The following PTPRN2 variants were observed in gnomAD, a reference collection of about 807,000 sequenced individuals.
The protein encoded by PTPRN2 is receptor-type tyrosine-protein phosphatase N2.
PTPRN2 carries 74 observed loss-of-function variants against 118.8 expected under a neutral mutation model. That is an observed-to-expected ratio of 0.62 (90% confidence interval 0.52 to 0.76). The LOEUF is 0.76. PTPRN2 is among the 30% of genes least tolerant of loss of function. The pLI is 0.00. For synonymous variants in PTPRN2, 641 were observed against 608.0 expected, an observed-to-expected ratio of 1.05 and a Z score of -0.80; for missense variants, 1,481 against 1,394.4, an observed-to-expected ratio of 1.06 and a Z score of -0.99.
chr7:158,070,967 C>G (rs1386912584), intron 11 of PTPRN2, among the ~76,000 whole-genome samples: 919 of 36,280 alleles, frequency 0.025, 13 homozygotes, highest in African/African-American at 0.032. Flanking sequence ...TGGAGGTGCT[C>G]ACGGTGGAGG....
intron 12 of PTPRN2, among the ~76,000 whole-genome samples, chr7:157,800,714 A>C (rs929638862): frequency 2.6e-5 from 4 of 151,998 alleles, no homozygotes; most frequent in Non-Finnish European, 4.4e-5. Flanking sequence ...GCACTTTGGG[A>C]GGCCGAGGCG....
chr7:158,108,351 C>G (rs985607569), intron 10 of PTPRN2, among the ~76,000 whole-genome samples: 6 of 152,088 alleles, frequency 3.9e-5, no homozygotes, highest in Non-Finnish European at 8.8e-5. Context: ...CAGGGCTGCT[C>G]TCTCTCAGCT....
At chr7:158,285,853 C>T (rs1382744688) in intron 3 of PTPRN2, among the ~76,000 whole-genome samples, 1 of 152,222 alleles carries the variant, frequency 6.6e-6, no homozygotes, top group East Asian at 1.9e-4. Context: ...TGCTCTATAC[C>T]TGTGTCCACA....
chr7:158,292,963 G>A (rs570764237), intron 3 of PTPRN2, among the ~76,000 whole-genome samples: 56 of 152,234 alleles, frequency 3.7e-4, no homozygotes, highest in African/African-American at 1.3e-3. Flanking sequence ...AGCTACTAGG[G>A]AGGCTGAGTC....
chr7:158,354,515 TCAGA>T (rs796078094), intron 2 of PTPRN2, among the ~76,000 whole-genome samples: 4 of 152,050 alleles, frequency 2.6e-5, no homozygotes, highest in African/African-American at 9.7e-5. Flanking sequence ...TTTTTAAAAA[TCAGA>T]CAGAAGTCTT....
At position 158,120,288 on chromosome 7, in the gene PTPRN2, A is replaced by G. The variant is rs189554066; in HGVS notation, c.1557-9373T>C. 1.4e-3 allele frequency among the ~76,000 whole-genome samples: 218 copies of G among 152,312 alleles called. 1 individual carries two copies. Among genetic ancestry groups the G allele is most frequent in the African/African-American group, 4.6e-3 (192 of 41,560 alleles). On this transcript the variant is annotated intron_variant, in intron 9 of 22. Transcript: ENST00000389418. ...CGGTGATGGTTGCACAATAGCACAA[A>G]TGTTAACGCTACTGAATTCTATGCT...
chr7:157,556,570 C>T (rs1160556874), intron 21 of PTPRN2, among the ~76,000 whole-genome samples: 2 of 150,828 alleles, frequency 1.3e-5, no homozygotes, highest in Admixed American at 6.6e-5. Flanking sequence ...TGTACATGCA[C>T]ACACATACAC....
chr7:157,777,248 CACAT>C (rs1232027715), intron 12 of PTPRN2, among the ~76,000 whole-genome samples: 7 of 152,334 alleles, frequency 4.6e-5, no homozygotes, highest in Non-Finnish European at 7.4e-5. Flanking sequence ...ACACAAGAAA[CACAT>C]ACAAGTGGAA....
rs76383558 is a variant in PTPRN2 at position 157,691,359 on chromosome 7, T to C, written c.1789-8422A>G. On this transcript the variant is annotated intron_variant, in intron 12 of 22. Coordinates refer to ENST00000389418, the MANE Select transcript of PTPRN2 (RefSeq NM_002847.5). ...AGGGGTGGGTGGGGTGCGTCGCCAC[T>C]CTTGGCAAGAGAAAATTGCACGGCA... Among the ~76,000 whole-genome samples the C allele has an allele frequency of 5.6e-3, 849 of 152,214 alleles. 4 individuals are homozygous for C. The highest frequency in any genetic ancestry group is 0.019 in the African/African-American group (809 of 41,508).
intron 3 of PTPRN2, among the ~76,000 whole-genome samples, chr7:158,243,699 A>G (rs1796021272): frequency 6.6e-6 from 1 of 152,106 alleles, no homozygotes; most frequent in South Asian, 2.1e-4. Context: ...ACTTAGTGCT[A>G]AGTACTAAGT....
intron 3 of PTPRN2, among the ~76,000 whole-genome samples, chr7:158,312,913 G>A (rs1166146684): frequency 6.6e-6 from 1 of 150,954 alleles, no homozygotes; most frequent in Non-Finnish European, 1.5e-5. Flanking sequence ...CATGTGTGGG[G>A]ATGTCTACAT....
chr7:158,273,373 C>T (rs1586079430), intron 3 of PTPRN2, among the ~76,000 whole-genome samples: 1 of 147,666 alleles, frequency 6.8e-6, no homozygotes, highest in African/African-American at 2.7e-5. Flanking sequence ...GCCTGCAGCC[C>T]TGTCCCAGCG....
At chr7:158,294,929 G>A (rs1226598952) in intron 3 of PTPRN2, among the ~76,000 whole-genome samples, 58 of 115,970 alleles carry the variant, frequency 5.0e-4, no homozygotes, top group Non-Finnish European at 7.6e-4. Context: ...CTTTCCACGC[G>A]CGTGGTTCAC....
chr7:158,145,470 G>A (rs1052953529), intron 6 of PTPRN2, among the ~76,000 whole-genome samples: 3 of 152,248 alleles, frequency 2.0e-5, no homozygotes, highest in South Asian at 2.1e-4. Flanking sequence ...AGAGCAGCTG[G>A]GAATGTAGAG....
chr7:158,075,923 G>A (rs1393283649), intron 11 of PTPRN2, among the ~76,000 whole-genome samples: 1 of 152,240 alleles, frequency 6.6e-6, no homozygotes, highest in African/African-American at 2.4e-5. Context: ...AGCGGAACCT[G>A]GAGCCGGGCT....
At position 158,133,488 on chromosome 7, in the gene PTPRN2, G is replaced by C. The variant is rs960450745; in HGVS notation, c.1556+189C>G. Among the ~76,000 whole-genome samples, 5 of 152,350 alleles carry C rather than the reference G, an allele frequency of 3.3e-5. No homozygotes were observed. In the South Asian group the frequency reaches 8.3e-4, roughly 25 times the overall value. Reference sequence around the variant, plus strand: ...TCTGGAGCCCAGCTCAGAAGCATCAGGAGGAGCCACTGTCCAGGCACCTGG... The same window carrying C: ...TCTGGAGCCCAGCTCAGAAGCATCACGAGGAGCCACTGTCCAGGCACCTGG... On this transcript the variant is annotated intron_variant, in intron 9 of 22. Coordinates refer to ENST00000389418, the MANE Select transcript of PTPRN2 (RefSeq NM_002847.5).
At chr7:157,827,252 G>A (rs1022514376) in intron 12 of PTPRN2, among the ~76,000 whole-genome samples, 3 of 152,106 alleles carry the variant, frequency 2.0e-5, no homozygotes, top group South Asian at 2.1e-4. Context: ...AGAGCTTTTC[G>A]ACAACACCCT....
chr7:158,483,500 G>A (rs2129445042), intron 2 of PTPRN2, among the ~76,000 whole-genome samples: 1 of 152,296 alleles, frequency 6.6e-6, no homozygotes, highest in Middle Eastern at 3.4e-3. Flanking sequence ...TCCACTTTGG[G>A]GACAACGCTA....
chr7:158,435,112 CAT>C (rs2129431054), intron 2 of PTPRN2, among the ~76,000 whole-genome samples: 1 of 152,112 alleles, frequency 6.6e-6, no homozygotes, highest in East Asian at 1.9e-4. Flanking sequence ...AGGGAGACTA[CAT>C]CAAACTAAAG....
Sources: gnomAD v4.1 joint callset for allele counts (sites outside exome capture counted in the v4.1 genomes callset) on GRCh38, gnomAD v4.1.1 for gene constraint, MANE v1.5 for transcripts, NCBI Gene and HGNC (gene_info 2026-07-23, HGNC 2026-07-21) for gene names.